Variants in CRBN observed in about 807,000 individuals in gnomAD.
The protein encoded by CRBN is cereblon, also known as protein cereblon.
A neutral mutation model predicts 62.2 loss-of-function variants in CRBN; 53 were observed. That is an observed-to-expected ratio of 0.85 (90% confidence interval 0.68 to 1.07). CRBN has a LOEUF of 1.07. Among genes scored for constraint, CRBN ranks in the 50% least tolerant of loss-of-function variants. The probability of loss-of-function intolerance (pLI) is 0.00; values close to 1 mark genes in which losing one functional copy is unlikely to be tolerated. For synonymous variants in CRBN, 208 were observed against 176.1 expected (o/e 1.18, Z -1.43); for missense variants, 616 against 531.1 (o/e 1.16, Z -1.57).
At chr3:3,175,039 G>GGA (rs374641314) in intron 2 of CRBN, 124 bp downstream of exon 2, 475,391 of 676,420 alleles carry the variant, frequency 0.7, 177,380 homozygotes, top group Middle Eastern at 0.82. Context: ...CTGGCAAATA[G>GGA]CCCATGTCCT....
intron 4 of CRBN, 119 bp from the exon 5 acceptor site, chr3:3,167,912 A>G (rs1707412681): frequency 1.1e-6 from 1 of 904,180 alleles, no homozygotes; most frequent in Non-Finnish European, 1.7e-6. Context: ...TCTTTTAAAC[A>G]TATTCATCAA....
rs1443479583 is a variant in CRBN at position 3,172,986 on chromosome 3, G to C, written c.378-61C>G. 9 of 1,285,280 alleles carry C rather than the reference G, an allele frequency of 7.0e-6. No homozygotes were observed. The African/African-American group carries it at 1.3e-4, about 19-fold the overall frequency. The allele number at this position is 1,285,280 out of a possible 1,614,324, so 79.6% of individuals were successfully genotyped here. A position where few individuals can be genotyped will look rare whatever the true frequency, so the allele number is the denominator to read the frequency against. On this transcript the variant is annotated intron_variant, in intron 3 of 10. Transcript: ENST00000231948. ...CATTTGAGTTTTAAATATATGCAAA[G>C]TAGGCAAAGCAATAAATACAGGTAA...
At chr3:3,152,901 G>A (rs1362325667) in intron 9 of CRBN, 1 of 404,998 alleles carries the variant, frequency 2.5e-6, no homozygotes, top group South Asian at 2.5e-5. Context: ...GAGTCTGAGA[G>A]TGTAAGTGCA....
At chr3:3,152,425 A>AC (rs1478257580) in intron 10 of CRBN, 31 bp downstream of exon 10, 1 of 1,599,416 alleles carries the variant, frequency 6.3e-7, no homozygotes, top group Non-Finnish European at 8.5e-7. Flanking sequence ...TAAAAAAAGA[A>AC]AAAAAAAAGC....
chr3:3,169,465 ACTACT>A (rs998938685), intron 4 of CRBN, among the ~76,000 whole-genome samples: 12 of 40,186 alleles, frequency 3.0e-4, no homozygotes, highest in African/African-American at 4.3e-4. Context: ...TTAGGTACAG[ACTACT>A]CTAATAGGAA....
chr3:3,171,978 C>T (rs1455123362), intron 4 of CRBN, among the ~76,000 whole-genome samples: 4 of 152,126 alleles, frequency 2.6e-5, no homozygotes, highest in Admixed American at 6.5e-5. Context: ...AGAAGCACTC[C>T]GTTAAGAGGT....
intron 5 of CRBN, among the ~76,000 whole-genome samples, chr3:3,157,145 T>C (rs897882796): frequency 8.5e-5 from 13 of 152,062 alleles, no homozygotes; most frequent in African/African-American, 2.7e-4. Flanking sequence ...AAATGGTCTA[T>C]AGGACACAAA....
chr3:3,150,807 A>G lies in CRBN; in HGVS notation c.*58T>C. ...GTATGTATCAGAGGCAATAATTTCC[A>G]AAGCAGATCTTAGAATATAACCAAT... On this transcript the variant is annotated 3_prime_UTR_variant, in exon 11 of 11. Coordinates refer to ENST00000231948, the MANE Select transcript of CRBN (RefSeq NM_016302.4). 4 of 1,537,366 alleles carry G rather than the reference A, an allele frequency of 2.6e-6. No homozygotes were observed. Among genetic ancestry groups the G allele is most frequent in the Non-Finnish European group, 3.6e-6 (4 of 1,122,892 alleles).
rs566343972 is a variant in CRBN, at chr3:3,172,995, G to T, written c.378-70C>A. The T allele has an allele frequency of 1.1e-5, 12 of 1,140,520 alleles. No homozygotes were observed. In the East Asian group the frequency reaches 2.3e-4, roughly 22 times the overall value. 70.7% of individuals were successfully genotyped at this position (1,140,520 alleles called of 1,614,324 possible). ...TTTAAATATATGCAAAGTAGGCAAAGCAATAAATACAGGTAAACAATTTAT... is the reference window on the plus strand; with the variant it reads ...TTTAAATATATGCAAAGTAGGCAAATCAATAAATACAGGTAAACAATTTAT... On this transcript the variant is annotated intron_variant, in intron 3 of 10. Coordinates refer to ENST00000231948, the MANE Select transcript of CRBN (RefSeq NM_016302.4).
At chr3:3,167,586 A>C (rs1393517438) in intron 5 of CRBN, 48 bp downstream of exon 5, 3 of 1,574,244 alleles carry the variant, frequency 1.9e-6, no homozygotes, top group East Asian at 2.2e-5. Context: ...AGGAAAAAAA[A>C]CAACCTGTCT....
chr3:3,175,332 T>C (rs1707791333), intron 1 of CRBN, 63 bp from the exon 2 acceptor site: 4 of 1,210,916 alleles, frequency 3.3e-6, no homozygotes, highest in African/African-American at 1.5e-5. Context: ...AAACATGTAA[T>C]TCCTTCTTCA....
chr3:3,179,254 T>C (rs1334607372), intron 1 of CRBN, among the ~76,000 whole-genome samples: 1 of 152,212 alleles, frequency 6.6e-6, no homozygotes, highest in Non-Finnish European at 1.5e-5. Context: ...GCTGTCACTC[T>C]TATTAAAAGG....
At chr3:3,165,677 G>T (rs1393994255) in intron 5 of CRBN, among the ~76,000 whole-genome samples, 1 of 151,962 alleles carries the variant, frequency 6.6e-6, no homozygotes, top group Non-Finnish European at 1.5e-5. Flanking sequence ...ATATGCAGTG[G>T]GAAACCAAAA....
intron 5 of CRBN, among the ~76,000 whole-genome samples, chr3:3,164,668 A>G (rs1366134066): frequency 1.3e-5 from 2 of 152,242 alleles, no homozygotes; most frequent in Admixed American, 6.5e-5. Flanking sequence ...CCTACTGCTC[A>G]GAAAAGACTC....
rs1706710105 is a variant in CRBN at position 3,153,241 on chromosome 3, A to G, written c.1016+183T>C. 11 of 557,072 alleles carry G rather than the reference A, an allele frequency of 2.0e-5. No homozygotes were observed. In the South Asian group the frequency reaches 2.3e-4, roughly 12 times the overall value. 34.5% of individuals were successfully genotyped at this position (557,072 alleles called of 1,614,324 possible). A position where few individuals can be genotyped will look rare whatever the true frequency, so the allele number is the denominator to read the frequency against. ...TACCTGTGAATAATCCCTGACATGC[A>G]TTGTTGCTCTGAGTACCCAATCTGG... On this transcript the variant is annotated intron_variant, in intron 9 of 10. Coordinates refer to ENST00000231948, the MANE Select transcript of CRBN (RefSeq NM_016302.4).
chr3:3,174,374 C>A, intron 2 of CRBN, 113 bp from the exon 3 acceptor site: 1 of 862,788 alleles, frequency 1.2e-6, no homozygotes. Context: ...GGCACAGTGG[C>A]TCACACCTGT....
chr3:3,163,347 CTAAT>C (rs1575090676), intron 5 of CRBN, among the ~76,000 whole-genome samples: 1 of 152,292 alleles, frequency 6.6e-6, no homozygotes, highest in East Asian at 1.9e-4. Flanking sequence ...TAACCAAGGG[CTAAT>C]TAAGACAAGA....
intron 5 of CRBN, among the ~76,000 whole-genome samples, chr3:3,160,926 T>C (rs901667439): frequency 2.6e-5 from 4 of 152,150 alleles, no homozygotes; most frequent in African/African-American, 4.8e-5. Context: ...AGTAGGACAA[T>C]AGGGAGCCAT....
chr3:3,161,500 T>A (rs1161375269), intron 5 of CRBN, among the ~76,000 whole-genome samples: 1 of 152,212 alleles, frequency 6.6e-6, no homozygotes, highest in Non-Finnish European at 1.5e-5. Flanking sequence ...GTGATTCTCC[T>A]GCCTCAGCGT....
Sources: gnomAD v4.1 joint callset for allele counts (sites outside exome capture counted in the v4.1 genomes callset) on GRCh38, gnomAD v4.1.1 for gene constraint, MANE v1.5 for transcripts, NCBI Gene and HGNC (gene_info 2026-07-23, HGNC 2026-07-21) for gene names.